Variants in AGRN observed in about 807,000 individuals in gnomAD.
AGRN encodes the protein agrin proteoglycan.
A neutral mutation model predicts 211.0 loss-of-function variants in AGRN; 106 were observed. The observed-to-expected ratio is 0.50, with a 90% confidence interval of 0.43 to 0.59. The LOEUF (loss-of-function observed/expected upper bound fraction) is 0.59, where lower values mean the gene tolerates loss of function less well. Among genes scored for constraint, AGRN ranks in the 20% least tolerant of loss-of-function variants. The probability of loss-of-function intolerance (pLI) is 0.00; values close to 1 mark genes in which losing one functional copy is unlikely to be tolerated. For synonymous variants in AGRN, 1,525 were observed against 1,332.5 expected (o/e 1.14, Z -3.15); for missense variants, 3,040 against 2,982.6 (o/e 1.02, Z -0.45).
Position 1,048,053 on chromosome 1 carries a change from A to G in AGRN, c.3793A>G (p.Ile1265Val), listed in dbSNP as rs1645152166. The change falls in exon 23 of 36, where the codon ATT (isoleucine) becomes GTT (valine). Residue 1265 changes from isoleucine (I) to valine (V), a missense_variant. Transcript: ENST00000379370. The surrounding 1 kb of genome is among the most constrained non-coding windows in gnomAD (Gnocchi z 5.9). The part of the protein sequence containing the change: ...AFITGATSGA[I>V]AAGATARATT... ...TATCACGGGGGCCACGTCAGGAGCC[A>G]TTGCTGCGGGAGCCACGGCCAGAGC... The G allele has an allele frequency of 3.8e-6, 6 of 1,585,970 alleles. No homozygotes were observed. Among genetic ancestry groups the G allele is most frequent in the South Asian group, 1.1e-5 (1 of 88,518 alleles).
intron 12 of AGRN, among the ~76,000 whole-genome samples, 154 bp downstream of exon 12, chr1:1,044,593 A>G (rs1291458616): frequency 6.6e-6 from 1 of 152,064 alleles, no homozygotes; most frequent in Non-Finnish European, 1.5e-5. Flanking sequence ...GCCTGTGCAC[A>G]TTTGTGCAGC....
At chr1:1,035,167 G>A (rs547203777) in intron 2 of AGRN, 110 bp from the exon 3 acceptor site, 34 of 1,164,286 alleles carry the variant, frequency 2.9e-5, no homozygotes, top group Admixed American at 2.3e-4. Flanking sequence ...TGGGGCTAGC[G>A]GTGGGGGGGG....
At chr1:1,046,334 C>T in intron 17 of AGRN, 63 bp from the exon 18 acceptor site, 1 of 1,607,540 alleles carries the variant, frequency 6.2e-7, no homozygotes. Context: ...TCCAGCCCCA[C>T]CCGCCCTGAG....
intron 2 of AGRN, among the ~76,000 whole-genome samples, chr1:1,023,207 G>A (rs1644448814): frequency 6.6e-6 from 1 of 152,206 alleles, no homozygotes; most frequent in African/African-American, 2.4e-5. Flanking sequence ...GCAACGGTAA[G>A]GGTCCTGACT....
rs562362958 is a variant in AGRN at position 1,032,516 on chromosome 1, A to G, written c.464-2761A>G. On this transcript the variant is annotated intron_variant, in intron 2 of 35. Transcript: ENST00000379370. The surrounding 1 kb of genome is among the most constrained non-coding windows in gnomAD (Gnocchi z 4.7). ...AGGGGCCCAGACACCCGGCTGGGGG[A>G]CTCCAGGAAGGCAGCAGGTGTGGGC... 2.0e-5 allele frequency among the ~76,000 whole-genome samples: 3 copies of G among 151,676 alleles called. No individual in the cohort carries two copies. In the East Asian group the frequency reaches 5.8e-4, roughly 29 times the overall value.
In AGRN at chr1:1,044,116, C is replaced by T. The variant is rs542999741; in HGVS notation, c.2007C>T (p.Cys669=). The change falls in exon 11 of 36, where the codon TGC becomes TGT. Residue 669 remains cysteine (C), a synonymous_variant. Transcript: ENST00000379370. ...TGCTCCCCTTCCCCGCAGCCGAGTG[C>T]GGTTCCGGAGGCTCTGGCTCTGGGG... The part of the protein sequence containing the change: ...ARAGPCEQAE[C]GSGGSGSGED... The T allele has an allele frequency of 4.6e-5, 74 of 1,613,264 alleles. No homozygotes were observed. The highest frequency in any genetic ancestry group is 1.8e-4 in the Admixed American group (11 of 60,024).
rs547260083 is a variant in AGRN at position 1,034,138 on chromosome 1, G to C, written c.464-1139G>C. The C allele has an allele frequency of 5.1e-6, 5 of 985,096 alleles. No homozygotes were observed. In the South Asian group the frequency reaches 1.4e-4, roughly 28 times the overall value. 61.0% of individuals were successfully genotyped at this position (985,096 alleles called of 1,614,324 possible). On this transcript the variant is annotated intron_variant, in intron 2 of 35. Coordinates refer to ENST00000379370, the MANE Select transcript of AGRN (RefSeq NM_198576.4). ...TCCTATCGCCGCTTCCGCCTCTGCC[G>C]GGGACGGGGACAGCAGACCCTCGGC...
chr1:1,033,131 G>C (rs917327350), intron 2 of AGRN, among the ~76,000 whole-genome samples: 5 of 151,832 alleles, frequency 3.3e-5, no homozygotes, highest in Non-Finnish European at 7.4e-5. Flanking sequence ...CCACGGACCC[G>C]CAGGGAGTCC....
In AGRN at chr1:1,045,497, T is replaced by C; in HGVS notation, c.2510T>C (p.Val837Ala). ...GGCTTCTGGAACTTTCGAGGCATCG[T>C]CACCGATGGCCGGAGTGGCTGTACA... ...EPGFWNFRGI[V>A]TDGRSGCTPC... Residue 837 changes from valine to alanine, a missense_variant, in exon 14 of 36, where the codon GTC becomes GCC. Val to Ala is a moderately conservative substitution (Grantham distance 64, BLOSUM62 0). Transcript: ENST00000379370. The C allele has an allele frequency of 1.2e-6, 2 of 1,612,960 alleles. No individual in the cohort carries two copies. The highest frequency in any genetic ancestry group is 1.7e-6 in the Non-Finnish European group (2 of 1,179,938).
chr1:1,054,097 C>A, intron 34 of AGRN, 120 bp downstream of exon 34: 2 of 1,105,274 alleles, frequency 1.8e-6, no homozygotes, highest in Non-Finnish European at 1.3e-6. Context: ...CTGCCTGAGC[C>A]GAGGTCACTG....
Position 1,035,391 on chromosome 1 carries a change from G to A in AGRN, c.511+67G>A, listed in dbSNP as rs1644779907. 5 of 1,582,542 alleles carry A rather than the reference G, an allele frequency of 3.2e-6. No individual in the cohort carries two copies. In the Admixed American group the frequency reaches 6.7e-5, roughly 21 times the overall value. ...ACTCTTGGGAGTCAGGGGCCATTTG[G>A]AGGTGTGCACCCAGACGTGTGGAGT... On this transcript the variant is annotated intron_variant, in intron 3 of 35. Transcript: ENST00000379370.
At position 1,047,995 on chromosome 1, in the gene AGRN, G is replaced by A; in HGVS notation, c.3752-17G>A. The A allele has an allele frequency of 1.3e-6, 2 of 1,572,006 alleles. No individual in the cohort carries two copies. Among genetic ancestry groups the A allele is most frequent in the South Asian group, 1.2e-5 (1 of 86,338 alleles). ...GCCCTGCTCCCAGGAAACCCTAACAGCTCCCTGTGCCGGCAGACTGGTTTC... is the reference window on the plus strand; with the variant it reads ...GCCCTGCTCCCAGGAAACCCTAACAACTCCCTGTGCCGGCAGACTGGTTTC... On this transcript the variant is annotated splice_polypyrimidine_tract_variant and intron_variant, in intron 22 of 35. Transcript: ENST00000379370.
At position 1,041,720 on chromosome 1, in the gene AGRN, G is replaced by C; in HGVS notation, c.1177+18G>C. On this transcript the variant is annotated intron_variant, in intron 6 of 35. Transcript: ENST00000379370. ...GGGTCGAGGTGAGCGGCTCCCCCGG[G>C]GGAGGGCTCCGGCCAGTGCCAGGGT... The C allele has an allele frequency of 1.3e-6, 2 of 1,568,072 alleles. No homozygotes were observed. Among genetic ancestry groups the C allele is most frequent in the Admixed American group, 1.8e-5 (1 of 56,834 alleles).
chr1:1,038,395 C>T (rs913640632), intron 3 of AGRN, among the ~76,000 whole-genome samples: 1 of 152,236 alleles, frequency 6.6e-6, no homozygotes, highest in African/African-American at 2.4e-5. Flanking sequence ...CCCTAAGGTA[C>T]CTCTAGGCTC....
Position 1,044,147 on chromosome 1 carries a change from G to A in AGRN, c.2038G>A (p.Gly680Ser), listed in dbSNP as rs139983410. The A allele has an allele frequency of 4.2e-5, 68 of 1,613,148 alleles. No individual in the cohort carries two copies. Among genetic ancestry groups the A allele is most frequent in the Middle Eastern group, 1.6e-4 (1 of 6,082 alleles). Residue 680 changes from glycine (G) to serine (S), a missense_variant, in exon 11 of 36, where the codon GGT becomes AGT. Transcript: ENST00000379370. ...CGGAGGCTCTGGCTCTGGGGAGGACGGTGACTGTGAGCAGGAGCTGTGCCG... is the reference window on the plus strand; with the variant it reads ...CGGAGGCTCTGGCTCTGGGGAGGACAGTGACTGTGAGCAGGAGCTGTGCCG... The part of the protein sequence containing the change: ...GSGGSGSGED[G>S]DCEQELCRQR...
intron 11 of AGRN, 28 bp downstream of exon 11, chr1:1,044,285 G>A (rs765406496): frequency 7.4e-6 from 12 of 1,612,464 alleles, no homozygotes; most frequent in African/African-American, 6.7e-5. Context: ...GGCTCTCGGC[G>A]GGCGGCGGGG....
At position 1,048,874 on chromosome 1, in the gene AGRN, C is replaced by T. The variant is rs765481875; in HGVS notation, c.4113C>T (p.Gly1371=). Residue 1371 remains glycine, a synonymous_variant, in exon 24 of 36, where the codon GGC becomes GGT. Coordinates refer to ENST00000379370, the MANE Select transcript of AGRN (RefSeq NM_198576.4). This position sits in a 1 kb window ranked among gnomAD's most constrained non-coding sequence, Gnocchi z 5.9. ...CCCGGTCGCCCTTTGCAGTGCTTGG[C>T]GCCCCTGTGCCGGCCTTCGAGGGCC... is the stretch of plus-strand genomic sequence containing the variant. The part of the protein sequence containing the change: ...RGGAVCEKVL[G]APVPAFEGRS... 3.9e-5 allele frequency: 60 copies of T among 1,536,716 alleles called. No individual in the cohort carries two copies. Among genetic ancestry groups the T allele is most frequent in the South Asian group, 7.1e-5 (6 of 83,922 alleles).
intron 2 of AGRN, among the ~76,000 whole-genome samples, chr1:1,027,964 C>T (rs1399567218): frequency 6.6e-6 from 1 of 152,234 alleles, no homozygotes; most frequent in Admixed American, 6.5e-5. Flanking sequence ...CCACGGCCGC[C>T]CCGGCCCACA....
chr1:1,032,697 C>T lies in AGRN; in HGVS notation c.464-2580C>T, dbSNP rs1371826474. 3.3e-5 allele frequency among the ~76,000 whole-genome samples: 5 copies of T among 152,166 alleles called. No homozygotes were observed. Among genetic ancestry groups the T allele is most frequent in the Non-Finnish European group, 5.9e-5 (4 of 68,018 alleles). ...GAGGGGACTGGCGGAGCAGAAGCGC[C>T]CTGGCGCCGGGTCCTTGCTTTCCTG... On this transcript the variant is annotated intron_variant, in intron 2 of 35. Coordinates refer to ENST00000379370, the MANE Select transcript of AGRN (RefSeq NM_198576.4). This position sits in a 1 kb window ranked among gnomAD's most constrained non-coding sequence, Gnocchi z 4.7.
Sources: allele counts gnomAD v4.1 joint callset (sites outside exome capture counted in the v4.1 genomes callset), GRCh38; gene constraint gnomAD v4.1.1; non-coding constraint Gnocchi (gnomAD v3.1); transcripts MANE v1.5; gene names NCBI Gene and HGNC (gene_info 2026-07-23, HGNC 2026-07-21).